The following GLB1 variants were observed in gnomAD, a reference collection of about 807,000 sequenced individuals.
GLB1 encodes galactosidase beta 1.
A neutral mutation model predicts 74.0 loss-of-function variants in GLB1; 56 were observed. That is an observed-to-expected ratio of 0.76 (90% CI 0.61 to 0.94). The LOEUF (loss-of-function observed/expected upper bound fraction) is 0.94, where lower values mean the gene tolerates loss of function less well. GLB1 is among the 40% of genes least tolerant of loss of function. The probability of loss-of-function intolerance (pLI) is 0.00; values close to 1 mark genes in which losing one functional copy is unlikely to be tolerated. For missense variants in GLB1, 787 were observed against 845.5 expected, an observed-to-expected ratio of 0.93 and a Z score of 0.86; for synonymous variants, 323 against 323.6, an observed-to-expected ratio of 1.00 and a Z score of 0.02.
intron 11 of GLB1, among the ~76,000 whole-genome samples, chr3:33,023,175 G>A (rs1387899021): frequency 6.6e-6 from 1 of 152,160 alleles, no homozygotes; most frequent in African/African-American, 2.4e-5. Flanking sequence ...CTTGGTTTTA[G>A]CAATGTTGTT....
At chr3:33,071,539 T>C (rs997344110) in intron 2 of GLB1, among the ~76,000 whole-genome samples, 4 of 152,150 alleles carry the variant, frequency 2.6e-5, no homozygotes, top group Admixed American at 6.6e-5. Context: ...CCAAACTGGG[T>C]TTCAGAAATC....
intron 1 of GLB1, among the ~76,000 whole-genome samples, chr3:33,084,252 T>C (rs947534923): frequency 6.6e-6 from 1 of 152,142 alleles, no homozygotes; most frequent in Admixed American, 6.6e-5. Flanking sequence ...GGGAAGGGGA[T>C]GGAAGGGTAT....
intron 1 of GLB1, among the ~76,000 whole-genome samples, chr3:33,084,228 G>A (rs892803802): frequency 2.6e-5 from 4 of 152,196 alleles, no homozygotes; most frequent in African/African-American, 4.8e-5. Context: ...AACATGGATA[G>A]AGGCAAGGGG....
intron 10 of GLB1, among the ~76,000 whole-genome samples, chr3:33,042,764 C>A (rs573257255): frequency 2.8e-4 from 42 of 152,318 alleles, no homozygotes; most frequent in African/African-American, 9.6e-4. Flanking sequence ...TTCTCACTGG[C>A]TGCATTCTGC....
intron 6 of GLB1, among the ~76,000 whole-genome samples, chr3:33,057,821 G>A (rs754494934): frequency 1.8e-4 from 28 of 152,194 alleles, no homozygotes; most frequent in Admixed American, 7.9e-4. Context: ...CATCTTGGGT[G>A]GGCCAGCCTA....
the GLB1 span, among the ~76,000 whole-genome samples, chr3:32,984,623 T>A: frequency 1.3e-5 from 2 of 150,662 alleles, no homozygotes; most frequent in Non-Finnish European, 2.9e-5. Flanking sequence ...ATTAAAAATT[T>A]AAAAAATTAG....
intron 2 of GLB1, among the ~76,000 whole-genome samples, chr3:33,070,272 T>G (rs930158858): frequency 1.1e-4 from 16 of 152,306 alleles, no homozygotes; most frequent in Non-Finnish European, 2.4e-4. Flanking sequence ...TAATTATATT[T>G]TGCATAAATA....
intron 15 of GLB1, among the ~76,000 whole-genome samples, chr3:33,003,994 C>T (rs962513548): frequency 2.0e-5 from 3 of 151,982 alleles, no homozygotes; most frequent in Non-Finnish European, 4.4e-5. Flanking sequence ...CGTGTCGCTG[C>T]ACTCCAGCTT....
intron 1 of GLB1, among the ~76,000 whole-genome samples, chr3:33,074,700 A>C (rs1013262898): frequency 6.6e-6 from 1 of 152,174 alleles, no homozygotes; most frequent in African/African-American, 2.4e-5. Context: ...CCAGGGTTTT[A>C]AGAAGCCAAC....
At chr3:33,075,323 T>G (rs1471992110) in intron 1 of GLB1, among the ~76,000 whole-genome samples, 1 of 152,060 alleles carries the variant, frequency 6.6e-6, no homozygotes, top group Non-Finnish European at 1.5e-5. Flanking sequence ...AATCCACCTG[T>G]CTAAGTGAAA....
intron 1 of GLB1, chr3:33,091,856 C>T (rs1218119503): frequency 3.5e-5 from 34 of 985,334 alleles, no homozygotes; most frequent in African/African-American, 5.2e-5. Flanking sequence ...TTTTCTAACA[C>T]GGGTGCTTAT....
At chr3:33,018,285 C>CAAAACAAA (rs1697319686) in intron 13 of GLB1, among the ~76,000 whole-genome samples, 163 bp downstream of exon 13, 1 of 41,970 alleles carries the variant, frequency 2.4e-5, no homozygotes, top group Non-Finnish European at 3.8e-5. Context: ...AACCCTGTCT[C>CAAAACAAA]AAAAAAAAAA....
chr3:33,035,621 T>C (rs756569156), intron 10 of GLB1, among the ~76,000 whole-genome samples: 1 of 152,114 alleles, frequency 6.6e-6, no homozygotes, highest in Admixed American at 6.5e-5. Context: ...CTTTTTGTAA[T>C]TAAGGATACA....
At chr3:32,973,427 G>A in the GLB1 span, among the ~76,000 whole-genome samples, 1 of 152,048 alleles carries the variant, frequency 6.6e-6, no homozygotes, top group Non-Finnish European at 1.5e-5. Flanking sequence ...TCCACCTCCT[G>A]GGTTCAAGCA....
intron 10 of GLB1, among the ~76,000 whole-genome samples, chr3:33,026,114 G>GGCTGCAGCTACCAAGCTGCAGCTACCAA (rs145723627): frequency 6.6e-6 from 1 of 151,610 alleles, no homozygotes; most frequent in Non-Finnish European, 1.5e-5. Flanking sequence ...AGCTGGGCGT[G>GGCTGCAGCTACCAAGCTGCAGCTACCAA]GCTGCAGCTA....
intron 1 of GLB1, chr3:33,096,309 C>T (rs1701024149): frequency 4.6e-6 from 4 of 866,932 alleles, no homozygotes; most frequent in Non-Finnish European, 5.5e-6. Flanking sequence ...TCCTTCCTCT[C>T]CCACCAACTG....
At chr3:33,057,785 C>T (rs1230812764) in intron 6 of GLB1, among the ~76,000 whole-genome samples, 2 of 152,178 alleles carry the variant, frequency 1.3e-5, no homozygotes, top group Non-Finnish European at 2.9e-5. Flanking sequence ...GAGCTTCTCA[C>T]AGCTGGAGAT....
intron 10 of GLB1, chr3:33,030,313 A>G (rs905272224): frequency 5.8e-6 from 1 of 172,196 alleles, no homozygotes; most frequent in Admixed American, 6.5e-5. Flanking sequence ...AAAGACTGAG[A>G]AGCGATCACA....
chr3:33,072,214 T>C (rs1699912243), intron 2 of GLB1, among the ~76,000 whole-genome samples: 1 of 152,138 alleles, frequency 6.6e-6, no homozygotes, highest in African/African-American at 2.4e-5. Flanking sequence ...GGAACAATAA[T>C]ACCTATCTCG....
Sources: allele counts gnomAD v4.1 joint callset (sites outside exome capture counted in the v4.1 genomes callset), GRCh38; gene constraint gnomAD v4.1.1; transcripts MANE v1.5; gene names NCBI Gene and HGNC (gene_info 2026-07-23, HGNC 2026-07-21).